Variants in KLHL2 observed in about 807,000 individuals in gnomAD.
KLHL2 encodes kelch-like protein 2.
KLHL2 carries 15 observed loss-of-function variants against 75.8 expected under a neutral mutation model. The observed-to-expected ratio is 0.20, with a 90% CI of 0.13 to 0.30. KLHL2 has a LOEUF of 0.30. KLHL2 is among the 10% of genes least tolerant of loss of function. The pLI, the probability that KLHL2 is intolerant of heterozygous loss-of-function variation, is 1.00. For synonymous variants in KLHL2, 214 were observed against 251.9 expected, an observed-to-expected ratio of 0.85 and a Z score of 1.42; for missense variants, 381 against 741.0, an observed-to-expected ratio of 0.51 and a Z score of 5.64.
intron 4 of KLHL2, 140 bp from the exon 5 acceptor site, chr4:165,263,057 A>G: frequency 1.6e-6 from 1 of 644,050 alleles, no homozygotes; most frequent in South Asian, 2.5e-5. Context: ...AATAATTTTT[A>G]TATTTGTTTT....
chr4:165,210,487 G>T (rs1447633191), intron 1 of KLHL2, among the ~76,000 whole-genome samples: 1 of 152,048 alleles, frequency 6.6e-6, no homozygotes. Flanking sequence ...AAAAATTGTC[G>T]TTGGACTATA....
intron 5 of KLHL2, among the ~76,000 whole-genome samples, chr4:165,264,723 T>TAC (rs1742055980): frequency 5.7e-5 from 4 of 70,508 alleles, no homozygotes; most frequent in South Asian, 5.5e-4. Flanking sequence ...TATATATACA[T>TAC]ATATATATAT....
chr4:165,242,368 G>A (rs1420251686), intron 4 of KLHL2, among the ~76,000 whole-genome samples: 1 of 152,136 alleles, frequency 6.6e-6, no homozygotes, highest in Non-Finnish European at 1.5e-5. Context: ...CTTTTCTAAG[G>A]AAAGGGCACA....
At chr4:165,260,651 TATCTC>T (rs1358326963) in intron 4 of KLHL2, among the ~76,000 whole-genome samples, 1 of 152,156 alleles carries the variant, frequency 6.6e-6, no homozygotes, top group African/African-American at 2.4e-5. Flanking sequence ...TTTTAGAAAT[TATCTC>T]ATTTATTAGT....
chr4:165,303,961 C>T (rs973588562), intron 8 of KLHL2, among the ~76,000 whole-genome samples: 24 of 151,790 alleles, frequency 1.6e-4, no homozygotes, highest in African/African-American at 5.8e-4. Flanking sequence ...CTGCAACTTC[C>T]ACCTCCTGGG....
At chr4:165,235,754 G>A (rs1023588842) in intron 3 of KLHL2, among the ~76,000 whole-genome samples, 1 of 152,020 alleles carries the variant, frequency 6.6e-6, no homozygotes, top group African/African-American at 2.4e-5. Flanking sequence ...AACAGATAAG[G>A]CTACCTAGAG....
intron 12 of KLHL2, among the ~76,000 whole-genome samples, chr4:165,313,618 T>C (rs1324657784): frequency 6.6e-6 from 1 of 152,210 alleles, no homozygotes; most frequent in Non-Finnish European, 1.5e-5. Flanking sequence ...GCACTCCTTT[T>C]AGTTTTTTGT....
At chr4:165,286,312 A>G (rs1477778505) in intron 5 of KLHL2, among the ~76,000 whole-genome samples, 1 of 152,202 alleles carries the variant, frequency 6.6e-6, no homozygotes, top group African/African-American at 2.4e-5. Context: ...TCATATTCAT[A>G]TGGAGACTAA....
At chr4:165,281,507 G>A (rs1433549222) in intron 5 of KLHL2, among the ~76,000 whole-genome samples, 1 of 152,004 alleles carries the variant, frequency 6.6e-6, no homozygotes, top group African/African-American at 2.4e-5. Flanking sequence ...AGTAGAGATA[G>A]GGGTTCACTG....
At chr4:165,273,494 G>A (rs1742847794) in intron 5 of KLHL2, among the ~76,000 whole-genome samples, 2 of 152,206 alleles carry the variant, frequency 1.3e-5, no homozygotes, top group Admixed American at 6.5e-5. Context: ...ATTCCCATGT[G>A]TGGTGGGAAG....
chr4:165,283,761 T>C (rs1482917459), intron 5 of KLHL2, among the ~76,000 whole-genome samples: 3 of 152,330 alleles, frequency 2.0e-5, no homozygotes, highest in African/African-American at 7.2e-5. Context: ...TGACCCCACA[T>C]TTCTCTTCTG....
chr4:165,313,871 A>T (rs150928639), intron 12 of KLHL2, among the ~76,000 whole-genome samples, 155 bp from the exon 13 acceptor site: 19 of 152,080 alleles, frequency 1.2e-4, no homozygotes, highest in African/African-American at 4.1e-4. Context: ...AATTGTATTG[A>T]TTTCCATTTC....
Position 165,219,930 on chromosome 4 carries a change from A to C in KLHL2, c.27-4A>C, listed in dbSNP as rs1737850933. 4 of 1,609,152 alleles carry C rather than the reference A, an allele frequency of 2.5e-6. No individual in the cohort carries two copies. The highest frequency in any genetic ancestry group is 2.5e-6 in the Non-Finnish European group (3 of 1,178,648). On this transcript the variant is annotated splice_region_variant and splice_polypyrimidine_tract_variant and intron_variant, in intron 1 of 14. Transcript: ENST00000226725. ...CTGTTTTTGTTCTTTTCTTTTATGT[A>C]CAGATGCACAAAGCAGGGTCATCAG...
At chr4:165,283,170 C>T (rs1743825418) in intron 5 of KLHL2, among the ~76,000 whole-genome samples, 1 of 152,172 alleles carries the variant, frequency 6.6e-6, no homozygotes, top group Non-Finnish European at 1.5e-5. Context: ...TGTGGAGACA[C>T]AGAACCAAAC....
At chr4:165,272,836 A>G (rs1742802468) in intron 5 of KLHL2, among the ~76,000 whole-genome samples, 1 of 152,246 alleles carries the variant, frequency 6.6e-6, no homozygotes, top group Non-Finnish European at 1.5e-5. Flanking sequence ...TCTGTTTCTT[A>G]GTTTGTAGAA....
At position 165,323,015 on chromosome 4, in the gene KLHL2, AG is replaced by A. The variant is rs1747086827; in HGVS notation, c.*956del. The A allele has an allele frequency of 1.3e-5, 2 of 152,632 alleles. No homozygotes were observed. The highest frequency in any genetic ancestry group is 4.1e-4 in the South Asian group (2 of 4,826). The allele number at this position is 152,632 out of a possible 1,614,324, so 9.5% of individuals were successfully genotyped here. A position where few individuals can be genotyped will look rare whatever the true frequency, so the allele number is the denominator to read the frequency against. ...TATAAATTTAGCTGCTATTAACAGA[AG>A]AGAGAACTTTCTGTGAGTAGCCATG... On this transcript the variant is annotated 3_prime_UTR_variant, in exon 15 of 15. Coordinates refer to ENST00000226725, the MANE Select transcript of KLHL2 (RefSeq NM_007246.4).
chr4:165,269,106 C>A (rs1742474705), intron 5 of KLHL2, among the ~76,000 whole-genome samples: 1 of 152,110 alleles, frequency 6.6e-6, no homozygotes. Context: ...GGTTTAAAGT[C>A]TGTTTTATCA....
intron 2 of KLHL2, among the ~76,000 whole-genome samples, chr4:165,225,497 A>G (rs1220149261): frequency 6.6e-6 from 1 of 152,226 alleles, no homozygotes; most frequent in Non-Finnish European, 1.5e-5. Context: ...GTTTTCCTAC[A>G]GTTTATTCCC....
chr4:165,229,160 A>G (rs1176764589), intron 3 of KLHL2, among the ~76,000 whole-genome samples: 5 of 152,156 alleles, frequency 3.3e-5, no homozygotes, highest in African/African-American at 1.2e-4. Flanking sequence ...ATACTTATGT[A>G]TATTAGTTTC....
Sources: allele counts gnomAD v4.1 joint callset (sites outside exome capture counted in the v4.1 genomes callset), GRCh38; gene constraint gnomAD v4.1.1; transcripts MANE v1.5; gene names NCBI Gene and HGNC (gene_info 2026-07-23, HGNC 2026-07-21).